The following VAT1L variants were observed in gnomAD, a reference collection of about 807,000 sequenced individuals.
VAT1L encodes putative NADPH-dependent quinone oxidoreductase VAT1L.
In VAT1L, 34 loss-of-function variants were observed where a neutral mutation model predicts 44.1. That is an observed-to-expected ratio of 0.77 (90% CI 0.59 to 1.03). The LOEUF is 1.03. Ranked by LOEUF, VAT1L falls within the 50% of genes least tolerant of loss-of-function variation. VAT1L has a pLI of 0.00. For synonymous variants in VAT1L, 253 were observed against 202.2 expected (o/e 1.25, Z -2.13); for missense variants, 615 against 538.8 (o/e 1.14, Z -1.40).
intron 3 of VAT1L, among the ~76,000 whole-genome samples, chr16:77,854,053 G>A (rs1339394617): frequency 2.0e-5 from 3 of 151,972 alleles, no homozygotes; most frequent in South Asian, 2.1e-4. Context: ...TCTTGAACCC[G>A]GGAGGTGGAG....
chr16:77,946,517 C>T (rs1271168287), intron 7 of VAT1L, among the ~76,000 whole-genome samples: 3 of 151,874 alleles, frequency 2.0e-5, no homozygotes, highest in Admixed American at 1.3e-4. Context: ...CTCCTGACTT[C>T]GTGATCTGCC....
At chr16:77,896,887 G>A (rs1403924381) in intron 7 of VAT1L, among the ~76,000 whole-genome samples, 1 of 152,222 alleles carries the variant, frequency 6.6e-6, no homozygotes, top group African/African-American at 2.4e-5. Context: ...ATTTCCTTGT[G>A]AGCCAGGGAC....
chr16:77,840,306 A>G (rs548552379), intron 3 of VAT1L, among the ~76,000 whole-genome samples: 12 of 152,284 alleles, frequency 7.9e-5, no homozygotes, highest in Middle Eastern at 3.4e-3. Flanking sequence ...GTTCTCATAA[A>G]AGGGCACACG....
intron 7 of VAT1L, among the ~76,000 whole-genome samples, chr16:77,933,681 G>A (rs2017758511): frequency 6.6e-6 from 1 of 152,276 alleles, no homozygotes; most frequent in African/African-American, 2.4e-5. Flanking sequence ...AAGGAGGAGA[G>A]GTCTTAAGCA....
intron 7 of VAT1L, among the ~76,000 whole-genome samples, chr16:77,908,647 G>C (rs1300099735): frequency 6.6e-6 from 1 of 151,968 alleles, no homozygotes; most frequent in South Asian, 2.1e-4. Context: ...CGGGCGCGGT[G>C]ACTCACGCCC....
intron 7 of VAT1L, 66 bp from the exon 8 acceptor site, chr16:77,971,784 G>C (rs1215417236): frequency 1.3e-6 from 2 of 1,537,822 alleles, no homozygotes; most frequent in Non-Finnish European, 1.8e-6. Flanking sequence ...GAGTTCTCCA[G>C]GCCCCCTTTT....
chr16:77,901,243 A>G (rs2017379922), intron 7 of VAT1L, among the ~76,000 whole-genome samples: 1 of 141,070 alleles, frequency 7.1e-6, no homozygotes, highest in Admixed American at 7.5e-5. Context: ...AGCTCACTGC[A>G]AGCTCCGCCT....
intron 7 of VAT1L, among the ~76,000 whole-genome samples, chr16:77,892,008 G>T (rs1481244202): frequency 6.6e-6 from 1 of 152,092 alleles, no homozygotes; most frequent in Non-Finnish European, 1.5e-5. Flanking sequence ...GGAGGCGGAG[G>T]TTGCAGTGAG....
intron 7 of VAT1L, among the ~76,000 whole-genome samples, chr16:77,959,263 C>G (rs1030952184): frequency 6.6e-6 from 1 of 152,188 alleles, no homozygotes; most frequent in African/African-American, 2.4e-5. Flanking sequence ...TCTACTTTTC[C>G]AGTCACTCTT....
chr16:77,929,869 G>A (rs1045862458), intron 7 of VAT1L, among the ~76,000 whole-genome samples: 5 of 152,234 alleles, frequency 3.3e-5, no homozygotes, highest in African/African-American at 7.2e-5. Flanking sequence ...GGCTGGGTGT[G>A]TAATCCCAGC....
In VAT1L at chr16:77,972,058, G is replaced by C. The variant is rs375519845; in HGVS notation, c.1161+125G>C. 4.5e-5 allele frequency: 37 copies of C among 813,928 alleles called. No homozygotes were observed. In the African/African-American group the frequency reaches 5.7e-4, roughly 12 times the overall value. The allele number at this position is 813,928 out of a possible 1,614,324, so 50.4% of individuals were successfully genotyped here. On this transcript the variant is annotated intron_variant, in intron 8 of 8. Transcript: ENST00000302536. ...CTGTGGGCTAGTGGAGGAGACCAGG[G>C]GTAATCAAATGATGTCATACATGAG...
intron 4 of VAT1L, among the ~76,000 whole-genome samples, chr16:77,870,967 G>T (rs377717868): frequency 8.6e-5 from 13 of 152,020 alleles, no homozygotes; most frequent in Non-Finnish European, 8.8e-5. Context: ...CTGCTCATGG[G>T]ACCAGGAACA....
chr16:77,861,866 C>T (rs938114718), intron 3 of VAT1L, among the ~76,000 whole-genome samples: 5 of 152,218 alleles, frequency 3.3e-5, no homozygotes, highest in African/African-American at 1.2e-4. Context: ...CAGGGTTCCC[C>T]AGAGGGATTG....
chr16:77,815,275 G>A (rs1256995412), intron 1 of VAT1L, among the ~76,000 whole-genome samples: 1 of 152,150 alleles, frequency 6.6e-6, no homozygotes, highest in African/African-American at 2.4e-5. Context: ...CTTTTTAGAA[G>A]GAATTAGCAC....
chr16:77,846,376 T>C (rs1479130909), intron 3 of VAT1L, among the ~76,000 whole-genome samples: 2 of 152,090 alleles, frequency 1.3e-5, no homozygotes, highest in East Asian at 3.9e-4. Flanking sequence ...CCCAAATATT[T>C]TCTTTAGAAT....
chr16:77,910,108 A>G (rs1374070580), intron 7 of VAT1L, among the ~76,000 whole-genome samples: 1 of 152,266 alleles, frequency 6.6e-6, no homozygotes, highest in Non-Finnish European at 1.5e-5. Flanking sequence ...CATATGAATT[A>G]TTCTCATAAG....
intron 1 of VAT1L, among the ~76,000 whole-genome samples, chr16:77,797,564 G>C (rs1015795686): frequency 6.6e-6 from 1 of 152,098 alleles, no homozygotes; most frequent in African/African-American, 2.4e-5. Context: ...GGTGTATATA[G>C]ACAATCCAGC....
At chr16:77,920,056 C>G (rs2017595151) in intron 7 of VAT1L, among the ~76,000 whole-genome samples, 1 of 152,102 alleles carries the variant, frequency 6.6e-6, no homozygotes, top group Non-Finnish European at 1.5e-5. Context: ...TGCACTCCAG[C>G]CTGGGCTACA....
chr16:77,834,209 C>T (rs2016614419), intron 3 of VAT1L, among the ~76,000 whole-genome samples: 1 of 152,204 alleles, frequency 6.6e-6, no homozygotes, highest in African/African-American at 2.4e-5. Context: ...CTTTCTCTCT[C>T]TCTCTGTCCA....
Sources: allele counts gnomAD v4.1 joint callset (sites outside exome capture counted in the v4.1 genomes callset), GRCh38; gene constraint gnomAD v4.1.1; transcripts MANE v1.5; gene names NCBI Gene and HGNC (gene_info 2026-07-23, HGNC 2026-07-21).